Variants in FRMD6 observed in about 807,000 individuals in gnomAD.
The protein encoded by FRMD6 is FERM domain containing 6, also known as FERM domain-containing protein 6.
In FRMD6, 37 loss-of-function variants were observed where a neutral mutation model predicts 73.2. The ratio of observed to expected loss-of-function variants is 0.51; its 90% CI spans 0.39 to 0.66. The LOEUF (loss-of-function observed/expected upper bound fraction) is 0.66. Ranked by LOEUF, FRMD6 falls within the 30% of genes least tolerant of loss-of-function variation. FRMD6 has a pLI of 0.00. For missense variants in FRMD6, 714 were observed against 780.5 expected, an observed-to-expected ratio of 0.91 and a Z score of 1.02; for synonymous variants, 273 against 282.2, an observed-to-expected ratio of 0.97 and a Z score of 0.33.
At chr14:51,458,426 A>T in the FRMD6 span, among the ~76,000 whole-genome samples, 3 of 152,126 alleles carry the variant, frequency 2.0e-5, no homozygotes, top group Non-Finnish European at 4.4e-5. Context: ...CAAGCTGTTC[A>T]GTGTCTTTAT....
intron 1 of FRMD6, among the ~76,000 whole-genome samples, chr14:51,544,821 A>G (rs1886382194): frequency 6.6e-6 from 1 of 152,068 alleles, no homozygotes; most frequent in South Asian, 2.1e-4. Flanking sequence ...TTAGTGTAAC[A>G]TCTCATCAGT....
At chr14:51,470,848 T>A in the FRMD6 span, among the ~76,000 whole-genome samples, 1 of 152,226 alleles carries the variant, frequency 6.6e-6, no homozygotes, top group African/African-American at 2.4e-5. Context: ...TTAATTCCAC[T>A]GTGGCCAGAA....
intron 1 of FRMD6, among the ~76,000 whole-genome samples, chr14:51,542,301 G>A (rs8006324): frequency 0.021 from 3,129 of 151,924 alleles, 108 homozygotes; most frequent in African/African-American, 0.066. Context: ...TCTCCTACCC[G>A]CAGTCTGACA....
At chr14:51,473,167 C>T in the FRMD6 span, among the ~76,000 whole-genome samples, 2 of 152,180 alleles carry the variant, frequency 1.3e-5, no homozygotes, top group Admixed American at 1.3e-4. Flanking sequence ...TAATGATTTA[C>T]AGCTGGAGTT....
rs568298717 is a variant in FRMD6, at chr14:51,723,648, G to T, written c.1492+1568G>T. On this transcript the variant is annotated intron_variant, in intron 12 of 13. Transcript: ENST00000344768. Reference sequence around the variant, plus strand: ...TGCAAAAAAAAAAAATTAGCTGCAGGCCTGTAATCCCAGCTACATGGGTGG... The same window carrying T: ...TGCAAAAAAAAAAAATTAGCTGCAGTCCTGTAATCCCAGCTACATGGGTGG... Among the ~76,000 whole-genome samples, 433 of 151,736 alleles carry T rather than the reference G, an allele frequency of 2.9e-3. 1 individual carries two copies. Among genetic ancestry groups the T allele is most frequent in the Non-Finnish European group, 4.4e-3 (300 of 67,896 alleles).
At chr14:51,467,247 G>A in the FRMD6 span, among the ~76,000 whole-genome samples, 1 of 152,174 alleles carries the variant, frequency 6.6e-6, no homozygotes, top group Non-Finnish European at 1.5e-5. Flanking sequence ...AACCCTTAGT[G>A]GACACAGCAC....
chr14:51,594,391 C>T (rs950102093), intron 2 of FRMD6, among the ~76,000 whole-genome samples: 4 of 151,848 alleles, frequency 2.6e-5, no homozygotes, highest in African/African-American at 7.3e-5. Flanking sequence ...TGCAATGGTG[C>T]GATCTTGGCT....
chr14:51,702,694 A>C (rs1896398962), intron 5 of FRMD6, 106 bp downstream of exon 5: 2 of 902,870 alleles, frequency 2.2e-6, no homozygotes, highest in South Asian at 1.7e-5. Context: ...CACCTTTAGG[A>C]TATAAACTCT....
intron 1 of FRMD6, among the ~76,000 whole-genome samples, chr14:51,672,043 T>A (rs1894045821): frequency 6.6e-6 from 1 of 152,194 alleles, no homozygotes; most frequent in Admixed American, 6.5e-5. Context: ...GGGATTAAGA[T>A]CCTGAAGCAT....
At chr14:51,695,403 G>A (rs928792006) in intron 2 of FRMD6, among the ~76,000 whole-genome samples, 5 of 152,134 alleles carry the variant, frequency 3.3e-5, no homozygotes, top group African/African-American at 1.2e-4. Context: ...ACTTCTATAG[G>A]ACAGAAATCT....
intron 1 of FRMD6, among the ~76,000 whole-genome samples, chr14:51,669,786 AT>A (rs776701784): frequency 1.3e-5 from 2 of 151,852 alleles, no homozygotes; most frequent in East Asian, 1.9e-4. Context: ...TTGAAAATGT[AT>A]TTTCTGTTAT....
chr14:51,665,738 G>A (rs983309738), intron 1 of FRMD6, among the ~76,000 whole-genome samples: 1 of 152,180 alleles, frequency 6.6e-6, no homozygotes, highest in Non-Finnish European at 1.5e-5. Context: ...CATGTGTTGT[G>A]GAAGGAACTT....
intron 9 of FRMD6, chr14:51,714,266 G>A (rs1246067626): frequency 6.6e-6 from 1 of 151,928 alleles, no homozygotes; most frequent in Non-Finnish European, 1.5e-5. Flanking sequence ...TACTATTTCA[G>A]TATTGGGGTC....
the FRMD6 span, among the ~76,000 whole-genome samples, chr14:51,463,762 T>C: frequency 2.2e-4 from 33 of 152,348 alleles, no homozygotes; most frequent in East Asian, 6.2e-3. Context: ...CAACAGTTTT[T>C]TGCATGTCAA....
intron 1 of FRMD6, among the ~76,000 whole-genome samples, chr14:51,543,971 G>C (rs143207375): frequency 6.6e-6 from 1 of 152,052 alleles, no homozygotes; most frequent in East Asian, 1.9e-4. Flanking sequence ...TTGCTGTGAC[G>C]TAGGTTTCTT....
At chr14:51,541,761 A>G (rs867512772) in intron 1 of FRMD6, among the ~76,000 whole-genome samples, 61 of 152,206 alleles carry the variant, frequency 4.0e-4, no homozygotes, top group African/African-American at 1.2e-3. Context: ...AGGGAACAGA[A>G]TTGTGACTCC....
chr14:51,571,578 C>T (rs949646026), intron 2 of FRMD6, among the ~76,000 whole-genome samples: 4 of 152,142 alleles, frequency 2.6e-5, no homozygotes, highest in South Asian at 4.1e-4. Flanking sequence ...AAGATACTGT[C>T]GTTCTTAAAT....
chr14:51,399,976 T>G, the FRMD6 span, among the ~76,000 whole-genome samples: 103 of 152,168 alleles, frequency 6.8e-4, 1 homozygote, highest in African/African-American at 2.5e-3. Flanking sequence ...TTAAAAAAAG[T>G]TTTATTTTTA....
At chr14:51,683,273 A>C (rs1299169676) in intron 1 of FRMD6, among the ~76,000 whole-genome samples, 1 of 151,460 alleles carries the variant, frequency 6.6e-6, no homozygotes, top group Non-Finnish European at 1.5e-5. Context: ...ACTAGTTTTT[A>C]TTTTTTTTAT....
Sources: allele counts gnomAD v4.1 joint callset (sites outside exome capture counted in the v4.1 genomes callset), GRCh38; gene constraint gnomAD v4.1.1; transcripts MANE v1.5; gene names NCBI Gene and HGNC (gene_info 2026-07-23, HGNC 2026-07-21).